Variants in NDFIP2 observed in about 807,000 individuals in gnomAD.
NDFIP2 encodes NEDD4 family-interacting protein 2.
In NDFIP2, 19 loss-of-function variants were observed where a neutral mutation model predicts 36.0. The ratio of observed to expected loss-of-function variants is 0.53; its 90% confidence interval spans 0.37 to 0.77. The LOEUF is 0.77. Among genes scored for constraint, NDFIP2 ranks in the 30% least tolerant of loss-of-function variants. The pLI, the probability that NDFIP2 is intolerant of heterozygous loss-of-function variation, is 0.00. For missense variants in NDFIP2, 446 were observed against 435.8 expected (o/e 1.02, Z -0.21); for synonymous variants, 181 against 167.7 (o/e 1.08, Z -0.61).
intron 1 of NDFIP2, among the ~76,000 whole-genome samples, chr13:79,488,476 T>A (rs1443780561): frequency 6.6e-6 from 1 of 152,198 alleles, no homozygotes; most frequent in Non-Finnish European, 1.5e-5. Context: ...CAGTACATGA[T>A]CTAATACTGG....
intron 1 of NDFIP2, among the ~76,000 whole-genome samples, chr13:79,509,574 C>T (rs1657762450): frequency 6.6e-6 from 1 of 151,882 alleles, no homozygotes; most frequent in South Asian, 2.1e-4. Context: ...CTCATCATGG[C>T]CTGAATTAGT....
chr13:79,490,018 A>T (rs1873164204), intron 1 of NDFIP2, among the ~76,000 whole-genome samples: 1 of 152,278 alleles, frequency 6.6e-6, no homozygotes, highest in Admixed American at 6.5e-5. Flanking sequence ...CCAAGCAAAT[A>T]TGTAGTCTCC....
chr13:79,503,912 T>C (rs1873760476), intron 1 of NDFIP2, among the ~76,000 whole-genome samples: 1 of 152,194 alleles, frequency 6.6e-6, no homozygotes, highest in Non-Finnish European at 1.5e-5. Flanking sequence ...ATTGAAAATA[T>C]CCAAGAAAAT....
intron 1 of NDFIP2, among the ~76,000 whole-genome samples, chr13:79,497,111 G>A (rs920562363): frequency 1.3e-5 from 2 of 151,922 alleles, no homozygotes; most frequent in Non-Finnish European, 2.9e-5. Context: ...TGAATATTTT[G>A]CTGTGGTCCT....
chr13:79,495,230 A>G (rs1873391809), intron 1 of NDFIP2, among the ~76,000 whole-genome samples: 1 of 151,950 alleles, frequency 6.6e-6, no homozygotes, highest in African/African-American at 2.4e-5. Flanking sequence ...TAAAAATGTC[A>G]GATCAGGTTC....
rs1875378286 is a variant in NDFIP2 at position 79,539,568 on chromosome 13, ATT to A, written c.622-112_622-111del. ...TGCCAGACATTGTACTCATTATTGC[ATT>A]TGTCTATACAACAAATTGAGAACAT... is the stretch of plus-strand genomic sequence containing the variant. On this transcript the variant is annotated intron_variant, in intron 3 of 7. Transcript: ENST00000218652. 4 of 767,794 alleles carry A rather than the reference ATT, an allele frequency of 5.2e-6. No individual in the cohort carries two copies. The Admixed American group carries it at 8.7e-5, about 17-fold the overall frequency. 47.6% of individuals were successfully genotyped at this position (767,794 alleles called of 1,614,324 possible).
chr13:79,499,282 G>A (rs757834319), intron 1 of NDFIP2, among the ~76,000 whole-genome samples: 9 of 151,914 alleles, frequency 5.9e-5, no homozygotes, highest in Non-Finnish European at 1.3e-4. Context: ...TTTGTACTTA[G>A]TAATGAGAAA....
Position 79,554,070 on chromosome 13 carries a change from AAC to A in NDFIP2, c.*1559_*1560del, listed in dbSNP as rs1231426705. The A allele has an allele frequency of 6.6e-6, 1 of 151,628 alleles. No individual in the cohort carries two copies. The highest frequency in any genetic ancestry group is 1.5e-5 in the Non-Finnish European group (1 of 67,628). The allele number at this position is 151,628 out of a possible 1,614,324, so 9.4% of individuals were successfully genotyped here. ...TTTTTTCATTGTCTTTGATAAATAA[AAC>A]AGTTTTGTTTTGCTAATATAGCCTA... On this transcript the variant is annotated 3_prime_UTR_variant, in exon 8 of 8. Transcript: ENST00000218652.
intron 2 of NDFIP2, among the ~76,000 whole-genome samples, chr13:79,524,571 T>C (rs1372429430): frequency 6.6e-6 from 1 of 152,130 alleles, no homozygotes; most frequent in Non-Finnish European, 1.5e-5. Context: ...AAGTAAAACC[T>C]TGACATTTTC....
rs1475807175 is a variant in NDFIP2, at chr13:79,481,288, G to C, written c.85G>C (p.Gly29Arg). 2.6e-6 allele frequency: 4 copies of C among 1,539,328 alleles called. No homozygotes were observed. The highest frequency in any genetic ancestry group is 2.7e-5 in the African/African-American group (2 of 73,106). The part of the protein sequence containing the change: ...SARGAPELLR[G>R]TATNAEVSAA... Reference sequence around the variant, plus strand: ...GCGCGGCGCCCCGGAGCTTCTCCGCGGAACCGCGACCAACGCGGAGGTCTC... The same window carrying C: ...GCGCGGCGCCCCGGAGCTTCTCCGCCGAACCGCGACCAACGCGGAGGTCTC... Residue 29 changes from glycine (G) to arginine (R), a missense_variant, in exon 1 of 8, where the codon GGA (glycine) becomes CGA (arginine). Physicochemically the swap from Gly to Arg is moderately radical, Grantham distance 125 (BLOSUM62 -2). This residue lies in a region of NDFIP2 where 369 missense variants were observed against 304.8 expected (regional missense o/e 1.21). Transcript: ENST00000218652.
rs1014295925 is a variant in NDFIP2 at position 79,554,032 on chromosome 13, C to T, written c.*1519C>T. 1.3e-5 allele frequency: 2 copies of T among 151,534 alleles called. No individual in the cohort carries two copies. The highest frequency in any genetic ancestry group is 1.5e-5 in the Non-Finnish European group (1 of 67,594). 9.4% of individuals were successfully genotyped at this position (151,534 alleles called of 1,614,324 possible). On this transcript the variant is annotated 3_prime_UTR_variant, in exon 8 of 8. Transcript: ENST00000218652. ...AATTTATTATGCTTTATAACCTCTTCTGTATTTTCTAATTTTTTCATTGTC... is the reference window on the plus strand; with the variant it reads ...AATTTATTATGCTTTATAACCTCTTTTGTATTTTCTAATTTTTTCATTGTC...
intron 1 of NDFIP2, among the ~76,000 whole-genome samples, chr13:79,491,318 C>T (rs1391688792): frequency 1.3e-5 from 2 of 152,092 alleles, no homozygotes; most frequent in African/African-American, 2.4e-5. Flanking sequence ...TATATTTATT[C>T]TGTTTCTGCT....
At chr13:79,542,498 T>G (rs1403634019) in intron 4 of NDFIP2, among the ~76,000 whole-genome samples, 1 of 151,412 alleles carries the variant, frequency 6.6e-6, no homozygotes, top group African/African-American at 2.5e-5. Flanking sequence ...TTTTTTTGTG[T>G]TGTTCTGTTT....
chr13:79,534,835 G>C (rs952595864), intron 3 of NDFIP2, among the ~76,000 whole-genome samples: 3 of 152,148 alleles, frequency 2.0e-5, no homozygotes, highest in Admixed American at 1.3e-4. Context: ...CATGTGCCCT[G>C]AATGTGTTTC....
chr13:79,486,391 A>G (rs1205388022), intron 1 of NDFIP2, among the ~76,000 whole-genome samples: 2 of 152,302 alleles, frequency 1.3e-5, no homozygotes, highest in Admixed American at 6.5e-5. Context: ...AGTTTATTCT[A>G]TTTGTATTGT....
intron 1 of NDFIP2, among the ~76,000 whole-genome samples, chr13:79,491,816 T>G (rs1873234767): frequency 6.6e-6 from 1 of 152,200 alleles, no homozygotes; most frequent in South Asian, 2.1e-4. Flanking sequence ...GTCTCTGTTT[T>G]CGGGCCATGT....
chr13:79,509,725 G>A (rs1041260100), intron 1 of NDFIP2, among the ~76,000 whole-genome samples: 14 of 150,572 alleles, frequency 9.3e-5, no homozygotes, highest in Admixed American at 4.6e-4. Flanking sequence ...TAACTCACAC[G>A]ATCACAAGGT....
intron 2 of NDFIP2, among the ~76,000 whole-genome samples, chr13:79,521,886 C>T (rs956582287): frequency 1.3e-5 from 2 of 150,298 alleles, no homozygotes; most frequent in Non-Finnish European, 3.0e-5. Flanking sequence ...GTGCAGTGGC[C>T]CAATCTCGGC....
At chr13:79,496,156 C>T (rs1230593114) in intron 1 of NDFIP2, among the ~76,000 whole-genome samples, 8 of 151,864 alleles carry the variant, frequency 5.3e-5, no homozygotes, top group Non-Finnish European at 1.2e-4. Context: ...CTTGAAGACA[C>T]GTTTCCCTGT....
Sources: allele counts gnomAD v4.1 joint callset (sites outside exome capture counted in the v4.1 genomes callset), GRCh38; gene constraint gnomAD v4.1.1; regional missense constraint gnomAD v4.1.1; transcripts MANE v1.5; gene names NCBI Gene and HGNC (gene_info 2026-07-23, HGNC 2026-07-21).